Variants in ATXN1 observed in about 807,000 individuals in gnomAD.
The protein encoded by ATXN1 is ataxin-1.
A neutral mutation model predicts 56.4 loss-of-function variants in ATXN1; 8 were observed. The observed-to-expected ratio is 0.14, with a 90% CI of 0.08 to 0.26. The LOEUF is 0.26. ATXN1 is among the 10% of genes least tolerant of loss of function. The pLI is 1.00. For missense variants in ATXN1, 987 were observed against 1,106.5 expected (o/e 0.89, Z 1.53); for synonymous variants, 514 against 494.6 (o/e 1.04, Z -0.52).
chr6:16,619,622 G>A (rs1040039514), intron 3 of ATXN1, among the ~76,000 whole-genome samples: 7 of 152,214 alleles, frequency 4.6e-5, no homozygotes, highest in South Asian at 2.1e-4. Context: ...TATCGTATGC[G>A]TGATCTGCTC....
chr6:16,545,695 A>G (rs1761802763), intron 4 of ATXN1, among the ~76,000 whole-genome samples: 1 of 152,194 alleles, frequency 6.6e-6, no homozygotes. Flanking sequence ...GACCTAAAGG[A>G]GTTTGCGCTA....
intron 6 of ATXN1, among the ~76,000 whole-genome samples, chr6:16,372,214 G>A (rs568428579): frequency 1.3e-5 from 2 of 152,278 alleles, no homozygotes; most frequent in South Asian, 4.1e-4. Context: ...TGGAGGAAAG[G>A]TTGGCATGGA....
chr6:16,496,411 T>C (rs1270540192), intron 5 of ATXN1, among the ~76,000 whole-genome samples: 5 of 152,152 alleles, frequency 3.3e-5, no homozygotes, highest in African/African-American at 4.8e-5. Flanking sequence ...TATTCTTTCT[T>C]TCTATGAATG....
At chr6:16,637,794 G>A (rs1160803411) in intron 3 of ATXN1, among the ~76,000 whole-genome samples, 2 of 152,168 alleles carry the variant, frequency 1.3e-5, no homozygotes, top group Non-Finnish European at 2.9e-5. Flanking sequence ...GTTGGGGGGC[G>A]ATTCCCAGAA....
At chr6:16,344,973 T>A (rs115620347) in intron 6 of ATXN1, among the ~76,000 whole-genome samples, 1 of 152,336 alleles carries the variant, frequency 6.6e-6, no homozygotes, top group East Asian at 1.9e-4. Context: ...ACTCCGATGC[T>A]GCTTAGAGAC....
intron 3 of ATXN1, among the ~76,000 whole-genome samples, chr6:16,590,770 G>A (rs991829851): frequency 5.9e-5 from 9 of 151,860 alleles, no homozygotes; most frequent in African/African-American, 2.2e-4. Flanking sequence ...CTCGGGCTCA[G>A]GTGGTCCTCT....
chr6:16,347,625 G>A (rs1253007180), intron 6 of ATXN1, among the ~76,000 whole-genome samples: 1 of 152,192 alleles, frequency 6.6e-6, no homozygotes, highest in African/African-American at 2.4e-5. Flanking sequence ...TAGCTACTCT[G>A]GTGGGGACTT....
At chr6:16,521,898 G>A (rs1305202037) in intron 5 of ATXN1, among the ~76,000 whole-genome samples, 1 of 152,224 alleles carries the variant, frequency 6.6e-6, no homozygotes, top group Admixed American at 6.5e-5. Flanking sequence ...CCTTTACTTA[G>A]TAGCCAACTA....
Position 16,742,742 on chromosome 6 carries a change from C to T in ATXN1, c.-615+10491G>A, listed in dbSNP as rs1760385402. On this transcript the variant is annotated intron_variant, in intron 2 of 7. Coordinates refer to ENST00000436367, the MANE Select transcript of ATXN1 (RefSeq NM_001128164.2). Reference sequence around the variant, plus strand: ...CACCCGGCCGGCCAACTCAAAAGGGCACAGATAAGATTAGATGGACCTCCT... The same window carrying T: ...CACCCGGCCGGCCAACTCAAAAGGGTACAGATAAGATTAGATGGACCTCCT... Among the ~76,000 whole-genome samples the T allele has an allele frequency of 4.6e-5, 7 of 152,312 alleles. No individual in the cohort carries two copies. The South Asian group carries it at 1.4e-3, about 32-fold the overall frequency.
chr6:16,408,045 C>T (rs1490942762), intron 6 of ATXN1, among the ~76,000 whole-genome samples: 3 of 152,130 alleles, frequency 2.0e-5, no homozygotes, highest in Admixed American at 6.5e-5. Context: ...GTGTCAACAA[C>T]AGGGGATATA....
At chr6:16,496,370 G>A (rs913954768) in intron 5 of ATXN1, among the ~76,000 whole-genome samples, 4 of 152,170 alleles carry the variant, frequency 2.6e-5, no homozygotes, top group Admixed American at 6.5e-5. Flanking sequence ...TGTGGGTTAC[G>A]CAGGGCCGGG....
intron 4 of ATXN1, among the ~76,000 whole-genome samples, chr6:16,578,767 G>A (rs1445992432): frequency 2.0e-5 from 3 of 151,952 alleles, no homozygotes; most frequent in Non-Finnish European, 2.9e-5. Flanking sequence ...ATCACAAGAC[G>A]ATAGATCAAT....
intron 5 of ATXN1, among the ~76,000 whole-genome samples, chr6:16,494,820 T>A (rs1760748284): frequency 1.3e-5 from 2 of 152,250 alleles, no homozygotes; most frequent in African/African-American, 4.8e-5. Context: ...TATTGACAAC[T>A]TATTCCTGGC....
rs140768325 is a variant in ATXN1, at chr6:16,698,540, TAAG to T, written c.-614-40642_-614-40640del. On this transcript the variant is annotated intron_variant, in intron 2 of 7. Transcript: ENST00000436367. ...CAGATAATTTCCACAGTGTATGGTT[TAAG>T]AAGTTAAACAGAAAGTTAACAGAGA... Among the ~76,000 whole-genome samples, 190 of 152,086 alleles carry T rather than the reference TAAG, an allele frequency of 1.2e-3. 4 individuals carry two copies. The East Asian group carries it at 0.023, about 18-fold the overall frequency.
At chr6:16,541,035 T>C (rs567115734) in intron 4 of ATXN1, among the ~76,000 whole-genome samples, 1 of 152,310 alleles carries the variant, frequency 6.6e-6, no homozygotes, top group Admixed American at 6.5e-5. Context: ...AAACCAGTGG[T>C]TTAAAAAAAA....
chr6:16,330,035 A>G (rs940351833), intron 6 of ATXN1, among the ~76,000 whole-genome samples: 1 of 152,154 alleles, frequency 6.6e-6, no homozygotes, highest in African/African-American at 2.4e-5. Context: ...GGGTTTTGGT[A>G]TCTCACATCC....
chr6:16,607,867 G>A (rs1005636202), intron 3 of ATXN1, among the ~76,000 whole-genome samples: 2 of 152,144 alleles, frequency 1.3e-5, no homozygotes, highest in African/African-American at 4.8e-5. Context: ...CAAGGCATCC[G>A]AGGAAAAAGA....
intron 6 of ATXN1, among the ~76,000 whole-genome samples, chr6:16,481,337 A>G (rs1760434596): frequency 6.6e-6 from 1 of 152,174 alleles, no homozygotes; most frequent in South Asian, 2.1e-4. Context: ...TAAAAGGTAC[A>G]AACTGACAGA....
At chr6:16,368,343 C>CTTTTTTTTTTTTTTTTTT (rs10527935) in intron 6 of ATXN1, among the ~76,000 whole-genome samples, 2 of 75,870 alleles carry the variant, frequency 2.6e-5, no homozygotes, top group African/African-American at 7.7e-5. Context: ...ACTTCTTCTT[C>CTTTTTTTTTTTTTTTTTT]TTTTTTTTTT....
Sources: gnomAD v4.1 joint callset for allele counts (sites outside exome capture counted in the v4.1 genomes callset) on GRCh38, gnomAD v4.1.1 for gene constraint, MANE v1.5 for transcripts, NCBI Gene and HGNC (gene_info 2026-07-23, HGNC 2026-07-21) for gene names.